Variants in PRKN observed in about 807,000 individuals in gnomAD.
PRKN encodes the protein parkin RBR E3 ubiquitin protein ligase, also known as E3 ubiquitin-protein ligase parkin.
Under a neutral mutation model 59.5 loss-of-function variants are expected in PRKN, and 56 were observed. The observed-to-expected ratio is 0.94, with a 90% CI of 0.76 to 1.18. The LOEUF (loss-of-function observed/expected upper bound fraction) is 1.18, where lower values mean the gene tolerates loss of function less well. Ranked by LOEUF, PRKN falls within the 50% of genes most tolerant of loss-of-function variation. The pLI, the probability that PRKN is intolerant of heterozygous loss-of-function variation, is 0.00. For synonymous variants in PRKN, 250 were observed against 222.1 expected, an observed-to-expected ratio of 1.13 and a Z score of -1.12; for missense variants, 657 against 596.4, an observed-to-expected ratio of 1.10 and a Z score of -1.06.
intron 3 of PRKN, among the ~76,000 whole-genome samples, chr6:162,228,042 C>T (rs534064503): frequency 1.3e-5 from 2 of 151,918 alleles, no homozygotes; most frequent in Admixed American, 1.3e-4. Flanking sequence ...CAATGTTTAT[C>T]GTAGAGAGAA....
At chr6:162,428,591 A>G (rs1270849920) in intron 2 of PRKN, among the ~76,000 whole-genome samples, 3 of 152,086 alleles carry the variant, frequency 2.0e-5, no homozygotes. Flanking sequence ...CATGAGTTCT[A>G]TATCTCACAT....
At chr6:161,826,486 T>G (rs1480233167) in intron 6 of PRKN, among the ~76,000 whole-genome samples, 4 of 152,208 alleles carry the variant, frequency 2.6e-5, no homozygotes, top group Non-Finnish European at 5.9e-5. Context: ...AACCCATTAA[T>G]GTACAAATGC....
chr6:161,829,849 CAAAAAA>C (rs11457054), intron 6 of PRKN, among the ~76,000 whole-genome samples: 46 of 86,444 alleles, frequency 5.3e-4, no homozygotes, highest in South Asian at 5.2e-3. Context: ...CACTAAATGC[CAAAAAA>C]AAAAAAAAAA....
chr6:162,405,992 A>G (rs916546654), intron 2 of PRKN, among the ~76,000 whole-genome samples: 9 of 152,094 alleles, frequency 5.9e-5, no homozygotes, highest in Admixed American at 4.6e-4. Context: ...AATGGAATGG[A>G]CCCTCCTGCT....
intron 7 of PRKN, chr6:161,783,536 GA>G: frequency 2.2e-6 from 1 of 456,654 alleles, no homozygotes; most frequent in Admixed American, 3.1e-5. Context: ...TTGTATGTTT[GA>G]AATCGTCTAA....
At chr6:161,597,838 A>ACG (rs71670972) in intron 7 of PRKN, among the ~76,000 whole-genome samples, 12 of 141,230 alleles carry the variant, frequency 8.5e-5, no homozygotes, top group African/African-American at 3.5e-4. Context: ...CAGCGTGCGC[A>ACG]CACACACACA....
chr6:162,566,734 A>C (rs1002206640), intron 1 of PRKN, among the ~76,000 whole-genome samples: 25 of 152,180 alleles, frequency 1.6e-4, no homozygotes, highest in African/African-American at 5.8e-4. Context: ...AACCCTACTC[A>C]AACTATTCCA....
Position 161,457,232 on chromosome 6 carries a change from C to T in PRKN, c.1084-70355G>A, listed in dbSNP as rs948295040. 5.3e-5 allele frequency among the ~76,000 whole-genome samples: 8 copies of T among 152,168 alleles called. No individual in the cohort carries two copies. Among genetic ancestry groups the T allele is most frequent in the Non-Finnish European group, 1.2e-4 (8 of 68,030 alleles). On this transcript the variant is annotated intron_variant, in intron 9 of 11. Transcript: ENST00000366898. The surrounding 1 kb of genome is among the most constrained non-coding windows in gnomAD (Gnocchi z 5.0). Reference sequence around the variant, plus strand: ...AATAATAATGCATTCCATTACTTTTCCTACACATGTGTCTCTGTTAAGCAC... The same window carrying T: ...AATAATAATGCATTCCATTACTTTTTCTACACATGTGTCTCTGTTAAGCAC...
chr6:161,461,802 A>G lies in PRKN; in HGVS notation c.1084-74925T>C, dbSNP rs978009281. On this transcript the variant is annotated intron_variant, in intron 9 of 11. Transcript: ENST00000366898. The surrounding 1 kb of genome is among the most constrained non-coding windows in gnomAD (Gnocchi z 5.1). Reference sequence around the variant, plus strand: ...TGGAGGTATCCAGTAGGCAATGTGAAGTATAATCCAGGAGCTCTAGAGAAT... The same window carrying G: ...TGGAGGTATCCAGTAGGCAATGTGAGGTATAATCCAGGAGCTCTAGAGAAT... Among the ~76,000 whole-genome samples, 1 of 152,204 alleles carries G rather than the reference A, an allele frequency of 6.6e-6. No homozygotes were observed. The highest frequency in any genetic ancestry group is 2.4e-5 in the African/African-American group (1 of 41,466).
intron 4 of PRKN, among the ~76,000 whole-genome samples, chr6:162,130,322 T>C (rs1781297458): frequency 6.6e-6 from 1 of 152,196 alleles, no homozygotes; most frequent in African/African-American, 2.4e-5. Context: ...AAGGTTTCTA[T>C]TTTTAGAGGT....
chr6:161,888,449 CG>C (rs1448328837), intron 6 of PRKN, among the ~76,000 whole-genome samples: 8 of 152,310 alleles, frequency 5.3e-5, no homozygotes, highest in Admixed American at 5.2e-4. Flanking sequence ...TCACACCATA[CG>C]GTCTTGCCAT....
intron 6 of PRKN, among the ~76,000 whole-genome samples, chr6:161,838,643 C>A (rs1215360665): frequency 6.6e-6 from 1 of 152,210 alleles, no homozygotes; most frequent in Non-Finnish European, 1.5e-5. Context: ...TCCTAATATT[C>A]TCTCTCACCT....
At chr6:161,952,048 GA>G (rs1780010023) in intron 6 of PRKN, among the ~76,000 whole-genome samples, 1 of 152,086 alleles carries the variant, frequency 6.6e-6, no homozygotes, top group Admixed American at 6.6e-5. Context: ...CAGTTGACAA[GA>G]ATGTTGAAAA....
rs547057989 is a variant in PRKN, at chr6:161,845,428, C to T, written c.735-59520G>A. On this transcript the variant is annotated intron_variant, in intron 6 of 11. Coordinates refer to ENST00000366898, the MANE Select transcript of PRKN (RefSeq NM_004562.3). Reference sequence around the variant, plus strand: ...CCCAAAGAGCTGGTCATGAACAAGACCCCAAGGATGCTAGCACACCATTTG... The same window carrying T: ...CCCAAAGAGCTGGTCATGAACAAGATCCCAAGGATGCTAGCACACCATTTG... Among the ~76,000 whole-genome samples the T allele has an allele frequency of 4.5e-4, 68 of 152,276 alleles. 1 individual carries two copies. Among genetic ancestry groups the T allele is most frequent in the Non-Finnish European group, 8.2e-4 (56 of 68,018 alleles).
intron 9 of PRKN, among the ~76,000 whole-genome samples, chr6:161,433,880 G>A (rs1206802147): frequency 6.6e-6 from 1 of 152,034 alleles, no homozygotes; most frequent in African/African-American, 2.4e-5. Flanking sequence ...AGCCAGGCGT[G>A]GTGGCACACG....
rs1789308639 is a variant in PRKN, at chr6:161,442,925, G to T, written c.1084-56048C>A. Among the ~76,000 whole-genome samples the T allele has an allele frequency of 2.0e-5, 3 of 152,298 alleles. No individual in the cohort carries two copies. Among genetic ancestry groups the T allele is most frequent in the South Asian group, 4.1e-4 (2 of 4,826 alleles). ...TGTGTCCACGCTGCTCCTCAGGCAA[G>T]CCATTCTCCCCAGTGCACAGATGAG... On this transcript the variant is annotated intron_variant, in intron 9 of 11. Coordinates refer to ENST00000366898, the MANE Select transcript of PRKN (RefSeq NM_004562.3). This position sits in a 1 kb window ranked among gnomAD's most constrained non-coding sequence, Gnocchi z 4.6.
intron 7 of PRKN, among the ~76,000 whole-genome samples, chr6:161,643,496 G>A (rs9456695): frequency 1.3e-5 from 2 of 151,982 alleles, no homozygotes; most frequent in Non-Finnish European, 2.9e-5. Context: ...GTTTACTCTC[G>A]GAAAAATAAT....
intron 3 of PRKN, among the ~76,000 whole-genome samples, chr6:162,240,838 T>C (rs1428904786): frequency 6.6e-6 from 1 of 152,172 alleles, no homozygotes; most frequent in Non-Finnish European, 1.5e-5. Flanking sequence ...TCAACACATT[T>C]GGAGGCCTCT....
chr6:162,522,432 T>C (rs548264907), intron 1 of PRKN, among the ~76,000 whole-genome samples: 53 of 152,358 alleles, frequency 3.5e-4, no homozygotes, highest in African/African-American at 1.1e-3. Flanking sequence ...CCTTACAATT[T>C]GATTTTGATG....
Sources: allele counts gnomAD v4.1 joint callset (sites outside exome capture counted in the v4.1 genomes callset), GRCh38; gene constraint gnomAD v4.1.1; non-coding constraint Gnocchi (gnomAD v3.1); transcripts MANE v1.5; gene names NCBI Gene and HGNC (gene_info 2026-07-23, HGNC 2026-07-21).